The following NCAM2 variants were observed in gnomAD, a reference collection of about 807,000 sequenced individuals.
NCAM2 encodes neural cell adhesion molecule 2.
In NCAM2, 30 loss-of-function variants were observed where a neutral mutation model predicts 98.1. The ratio of observed to expected loss-of-function variants is 0.31; its 90% confidence interval spans 0.23 to 0.41. NCAM2 has a LOEUF of 0.41. Ranked by LOEUF, NCAM2 falls within the 10% of genes least tolerant of loss-of-function variation. The pLI is 1.00. For synonymous variants in NCAM2, 368 were observed against 342.4 expected (o/e 1.07, Z -0.83); for missense variants, 867 against 1,005.8 (o/e 0.86, Z 1.87).
At chr21:21,284,135 A>G (rs1224994882) in intron 2 of NCAM2, 59 bp from the exon 3 acceptor site, 21 of 1,316,556 alleles carry the variant, frequency 1.6e-5, no homozygotes, top group East Asian at 2.4e-5. Flanking sequence ...GTAAATGCCA[A>G]TGTTCAAACA....
At chr21:21,002,659 A>G (rs908473723) in intron 1 of NCAM2, among the ~76,000 whole-genome samples, 5 of 152,128 alleles carry the variant, frequency 3.3e-5, no homozygotes, top group Middle Eastern at 3.2e-3. Context: ...TCTCACAGCA[A>G]TGAATTTTTG....
chr21:21,389,059 T>C (rs2145818051), intron 9 of NCAM2, among the ~76,000 whole-genome samples: 1 of 152,334 alleles, frequency 6.6e-6, no homozygotes, highest in South Asian at 2.1e-4. Flanking sequence ...TTATCATTTC[T>C]TTGTGTTGAG....
intron 1 of NCAM2, among the ~76,000 whole-genome samples, chr21:21,263,116 C>T: frequency 6.6e-6 from 1 of 152,064 alleles, no homozygotes; most frequent in East Asian, 1.9e-4. Context: ...CTGATGATTC[C>T]TCCAGTGGAC....
At chr21:21,245,774 A>G (rs2071245889) in intron 1 of NCAM2, among the ~76,000 whole-genome samples, 1 of 151,976 alleles carries the variant, frequency 6.6e-6, no homozygotes, top group African/African-American at 2.4e-5. Flanking sequence ...CCTGAGGGAG[A>G]GGAAGTTAGG....
chr21:21,496,220 T>G (rs1028330217), intron 15 of NCAM2, among the ~76,000 whole-genome samples: 6 of 152,012 alleles, frequency 3.9e-5, no homozygotes, highest in African/African-American at 1.4e-4. Flanking sequence ...CTGGACTAAG[T>G]TGCATTCCCA....
At chr21:21,326,895 G>T (rs2074527345) in intron 6 of NCAM2, among the ~76,000 whole-genome samples, 1 of 152,042 alleles carries the variant, frequency 6.6e-6, no homozygotes, top group Non-Finnish European at 1.5e-5. Flanking sequence ...TGTCATGTTT[G>T]TGGAAAAGAA....
At chr21:21,283,347 C>T (rs1002776564) in intron 2 of NCAM2, among the ~76,000 whole-genome samples, 16 of 151,874 alleles carry the variant, frequency 1.1e-4, no homozygotes, top group Non-Finnish European at 1.8e-4. Context: ...CTGCTGCTTC[C>T]ATAAATGATA....
At chr21:21,069,890 C>T (rs1036315013) in intron 1 of NCAM2, among the ~76,000 whole-genome samples, 8 of 152,108 alleles carry the variant, frequency 5.3e-5, no homozygotes, top group African/African-American at 1.9e-4. Context: ...AGACAGAGTT[C>T]ATCACCCTTT....
intron 5 of NCAM2, among the ~76,000 whole-genome samples, chr21:21,309,045 T>A (rs1346187603): frequency 6.6e-6 from 1 of 152,132 alleles, no homozygotes; most frequent in Non-Finnish European, 1.5e-5. Flanking sequence ...TAAGTTAAAT[T>A]TCTGTGAAGT....
intron 1 of NCAM2, among the ~76,000 whole-genome samples, chr21:21,111,074 TA>T (rs2066445028): frequency 6.6e-6 from 1 of 152,122 alleles, no homozygotes; most frequent in African/African-American, 2.4e-5. Context: ...CTTCTTAGAG[TA>T]CAGTTTCAGG....
intron 1 of NCAM2, among the ~76,000 whole-genome samples, chr21:21,138,647 C>T (rs1429679656): frequency 6.6e-6 from 1 of 152,030 alleles, no homozygotes; most frequent in African/African-American, 2.4e-5. Context: ...ATATATACCT[C>T]CATTATGCTC....
intron 16 of NCAM2, among the ~76,000 whole-genome samples, chr21:21,530,577 T>C (rs1989637455): frequency 6.6e-6 from 1 of 151,226 alleles, no homozygotes; most frequent in Non-Finnish European, 1.5e-5. Flanking sequence ...CACACAGATA[T>C]TTCTATGTAC....
chr21:21,296,435 C>T (rs1156760850), intron 5 of NCAM2, among the ~76,000 whole-genome samples: 2 of 83,232 alleles, frequency 2.4e-5, no homozygotes, highest in Non-Finnish European at 6.6e-5. Context: ...GTGAAAAAAT[C>T]CAAGCACCTA....
chr21:21,465,316 C>T (rs1262574029), intron 12 of NCAM2, among the ~76,000 whole-genome samples: 2 of 151,674 alleles, frequency 1.3e-5, no homozygotes, highest in Non-Finnish European at 2.9e-5. Flanking sequence ...ACCTAGTGGC[C>T]CACTCCTGAA....
At chr21:21,385,760 T>C (rs1195447240) in intron 9 of NCAM2, 4 of 558,884 alleles carry the variant, frequency 7.2e-6, no homozygotes, top group Non-Finnish European at 9.1e-6. Flanking sequence ...ACTGGTTACA[T>C]AGTATGTTTG....
intron 1 of NCAM2, among the ~76,000 whole-genome samples, chr21:21,261,502 C>T (rs993199763): frequency 6.6e-6 from 1 of 151,988 alleles, no homozygotes; most frequent in Non-Finnish European, 1.5e-5. Context: ...AATATTTTGT[C>T]GGACAACAGT....
chr21:21,195,822 A>G (rs1361645365), intron 1 of NCAM2, among the ~76,000 whole-genome samples: 1 of 152,168 alleles, frequency 6.6e-6, no homozygotes, highest in African/African-American at 2.4e-5. Flanking sequence ...CTCTAGTAAT[A>G]GTTTCTCAGT....
intron 8 of NCAM2, among the ~76,000 whole-genome samples, chr21:21,352,563 G>T (rs2075370357): frequency 6.6e-6 from 1 of 151,916 alleles, no homozygotes; most frequent in Admixed American, 6.6e-5. Context: ...TGACTTTCTT[G>T]CTTTTGGTGT....
rs569890452 is a variant in NCAM2, at chr21:21,361,468, C to A, written c.1045-12395C>A. ...TCTAGTGAACTCTCTTGGTTTTTTT[C>A]TTACTATGCTGTTCACTTCCTCAAT... On this transcript the variant is annotated intron_variant, in intron 8 of 17. Transcript: ENST00000400546. Among the ~76,000 whole-genome samples, 16 of 151,994 alleles carry A rather than the reference C, an allele frequency of 1.1e-4. No homozygotes were observed. The South Asian group carries it at 1.4e-3, about 14-fold the overall frequency.
Sources: allele counts gnomAD v4.1 joint callset (sites outside exome capture counted in the v4.1 genomes callset), GRCh38; gene constraint gnomAD v4.1.1; transcripts MANE v1.5; gene names NCBI Gene and HGNC (gene_info 2026-07-23, HGNC 2026-07-21).